The following MARCHF1 variants were observed in gnomAD, a reference collection of about 807,000 sequenced individuals.
MARCHF1 encodes E3 ubiquitin-protein ligase MARCHF1.
Under a neutral mutation model 54.2 loss-of-function variants are expected in MARCHF1, and 40 were observed. The observed-to-expected ratio is 0.74, with a 90% CI of 0.57 to 0.96. The LOEUF (loss-of-function observed/expected upper bound fraction) is 0.96. MARCHF1 is among the 40% of genes least tolerant of loss of function. The pLI, the probability that MARCHF1 is intolerant of heterozygous loss-of-function variation, is 0.00. For synonymous variants in MARCHF1, 236 were observed against 236.3 expected (o/e 1.00, Z 0.01); for missense variants, 586 against 656.5 (o/e 0.89, Z 1.17).
chr4:164,239,738 C>G (rs1468272544), intron 1 of MARCHF1, among the ~76,000 whole-genome samples: 1 of 152,144 alleles, frequency 6.6e-6, no homozygotes, highest in Non-Finnish European at 1.5e-5. Context: ...ACTTGATCAT[C>G]TCTCAAAAAC....
At chr4:164,285,932 A>G (rs939871237) in intron 1 of MARCHF1, among the ~76,000 whole-genome samples, 30 of 152,090 alleles carry the variant, frequency 2.0e-4, no homozygotes, top group African/African-American at 6.8e-4. Context: ...TCATAAAAAA[A>G]TTATGATCTG....
At position 164,312,138 on chromosome 4, in the gene MARCHF1, G is replaced by T. The variant is rs1385791259; in HGVS notation, c.-323+71732C>A. 2.0e-5 allele frequency among the ~76,000 whole-genome samples: 3 copies of T among 152,052 alleles called. No individual in the cohort carries two copies. In the East Asian group the frequency reaches 5.8e-4, roughly 29 times the overall value. On this transcript the variant is annotated intron_variant, in intron 1 of 9. Transcript: ENST00000514618. ...ATGAATCAGCTCTCGTATCTTCCAA[G>T]AATTCTCATGTATTCTCAATCCTCC... is the stretch of plus-strand genomic sequence containing the variant.
At chr4:164,169,684 GCT>G (rs1730473077) in intron 1 of MARCHF1, among the ~76,000 whole-genome samples, 1 of 152,020 alleles carries the variant, frequency 6.6e-6, no homozygotes, top group Admixed American at 6.6e-5. Flanking sequence ...CATATTAAAA[GCT>G]CTCTATAATT....
intron 1 of MARCHF1, among the ~76,000 whole-genome samples, chr4:164,131,143 C>G (rs1756292808): frequency 6.6e-6 from 1 of 152,010 alleles, no homozygotes; most frequent in African/African-American, 2.4e-5. Context: ...CAAACTCCCT[C>G]CAAATTAATG....
At chr4:163,576,393 G>A (rs74346975) in intron 8 of MARCHF1, among the ~76,000 whole-genome samples, 5,429 of 152,100 alleles carry the variant, frequency 0.036, 336 homozygotes, top group East Asian at 0.21. Flanking sequence ...TTTCACCATG[G>A]TTCAATAGTA....
chr4:164,013,440 T>G (rs1455795545), intron 2 of MARCHF1, among the ~76,000 whole-genome samples: 4 of 152,166 alleles, frequency 2.6e-5, no homozygotes, highest in African/African-American at 9.6e-5. Flanking sequence ...TAGGCGTTAT[T>G]GGCCTTAAGG....
intron 3 of MARCHF1, among the ~76,000 whole-genome samples, chr4:163,903,933 T>C (rs1366553832): frequency 6.6e-6 from 1 of 152,182 alleles, no homozygotes; most frequent in Non-Finnish European, 1.5e-5. Context: ...TAAATTGTGT[T>C]CTAACTGCAT....
At chr4:164,121,986 A>G (rs1237542325) in intron 1 of MARCHF1, among the ~76,000 whole-genome samples, 3 of 152,130 alleles carry the variant, frequency 2.0e-5, no homozygotes, top group Admixed American at 2.0e-4. Context: ...CATTAGGAAG[A>G]TATTCATCAT....
At chr4:164,099,876 A>G (rs1755501249) in intron 2 of MARCHF1, among the ~76,000 whole-genome samples, 1 of 152,162 alleles carries the variant, frequency 6.6e-6, no homozygotes, top group Admixed American at 6.5e-5. Context: ...TGGATGTGAA[A>G]AGTAGCAAGT....
At chr4:164,212,563 A>T (rs1177694930) in intron 1 of MARCHF1, among the ~76,000 whole-genome samples, 1 of 152,154 alleles carries the variant, frequency 6.6e-6, no homozygotes, top group African/African-American at 2.4e-5. Context: ...ATTTTATTTC[A>T]TACTCCATGT....
At chr4:163,949,936 T>C (rs1306845795) in intron 3 of MARCHF1, among the ~76,000 whole-genome samples, 2 of 152,188 alleles carry the variant, frequency 1.3e-5, no homozygotes, top group African/African-American at 4.8e-5. Context: ...GGGTACCCCC[T>C]CTCCATAGGC....
intron 1 of MARCHF1, among the ~76,000 whole-genome samples, chr4:164,240,766 A>G (rs1419484257): frequency 6.6e-6 from 1 of 152,142 alleles, no homozygotes; most frequent in African/African-American, 2.4e-5. Flanking sequence ...GTTTAAACTT[A>G]AAGCAAGGAT....
chr4:163,997,979 T>C (rs1243410935), intron 2 of MARCHF1, among the ~76,000 whole-genome samples: 1 of 150,088 alleles, frequency 6.7e-6, no homozygotes, highest in Non-Finnish European at 1.5e-5. Context: ...ATGCAAAATG[T>C]CTAAAAAAAG....
intron 1 of MARCHF1, among the ~76,000 whole-genome samples, chr4:164,168,951 T>C (rs1579590430): frequency 6.6e-6 from 1 of 152,050 alleles, no homozygotes; most frequent in Admixed American, 6.6e-5. Flanking sequence ...GGAGGCATGG[T>C]TGACAGACAT....
intron 9 of MARCHF1, among the ~76,000 whole-genome samples, chr4:163,543,169 G>A (rs1738776662): frequency 6.6e-6 from 1 of 152,158 alleles, no homozygotes; most frequent in African/African-American, 2.4e-5. Context: ...TTGTAAATCT[G>A]CTGGGATTAC....
At chr4:164,189,195 G>A in intron 1 of MARCHF1, 1 of 557,270 alleles carries the variant, frequency 1.8e-6, no homozygotes, top group Non-Finnish European at 3.3e-6. Context: ...ACAAAAAGAA[G>A]ACTGACAAAG....
intron 4 of MARCHF1, among the ~76,000 whole-genome samples, chr4:163,762,372 T>C (rs969214372): frequency 2.6e-5 from 4 of 152,132 alleles, no homozygotes; most frequent in Admixed American, 2.0e-4. Flanking sequence ...TAAATATGTC[T>C]ATACAGAAAC....
chr4:163,668,137 A>G (rs1743606989), intron 5 of MARCHF1, among the ~76,000 whole-genome samples: 1 of 152,304 alleles, frequency 6.6e-6, no homozygotes, highest in East Asian at 1.9e-4. Context: ...ATACAGTTAT[A>G]GCACTCTCTG....
intron 7 of MARCHF1, among the ~76,000 whole-genome samples, chr4:163,591,654 C>T (rs961671830): frequency 6.6e-6 from 1 of 152,122 alleles, no homozygotes; most frequent in Non-Finnish European, 1.5e-5. Flanking sequence ...TCTATTTAAA[C>T]ATTTACAGAG....
Sources: allele counts gnomAD v4.1 joint callset (sites outside exome capture counted in the v4.1 genomes callset), GRCh38; gene constraint gnomAD v4.1.1; transcripts MANE v1.5; gene names NCBI Gene and HGNC (gene_info 2026-07-23, HGNC 2026-07-21).